TFDP2: variants seen among roughly 807,000 people sequenced by gnomAD.
TFDP2 encodes the protein transcription factor Dp-2.
A neutral mutation model predicts 59.3 loss-of-function variants in TFDP2; 17 were observed. The observed-to-expected ratio is 0.29, with a 90% CI of 0.20 to 0.43. The LOEUF is 0.43. Ranked by LOEUF, TFDP2 falls within the 20% of genes least tolerant of loss-of-function variation. TFDP2 has a pLI of 1.00. For synonymous variants in TFDP2, 180 were observed against 194.7 expected, an observed-to-expected ratio of 0.92 and a Z score of 0.63; for missense variants, 391 against 528.8, an observed-to-expected ratio of 0.74 and a Z score of 2.56.
chr3:142,133,069 G>A (rs1225786589), intron 1 of TFDP2, among the ~76,000 whole-genome samples: 6 of 150,044 alleles, frequency 4.0e-5, no homozygotes, highest in Non-Finnish European at 8.8e-5. Flanking sequence ...TACAAAACGA[G>A]ACTAGACTTA....
chr3:142,077,435 G>A (rs1240543313), intron 3 of TFDP2, among the ~76,000 whole-genome samples: 1 of 152,036 alleles, frequency 6.6e-6, no homozygotes, highest in Non-Finnish European at 1.5e-5. Flanking sequence ...CTTTCTGCTT[G>A]AGGAGTGGAG....
intron 10 of TFDP2, among the ~76,000 whole-genome samples, chr3:141,962,791 A>G (rs1457207845): frequency 6.6e-6 from 1 of 152,250 alleles, no homozygotes; most frequent in Non-Finnish European, 1.5e-5. Context: ...CCCAAGGGCA[A>G]TGTCAGGGCC....
chr3:141,954,756 C>G (rs559070809), intron 11 of TFDP2, among the ~76,000 whole-genome samples: 2 of 152,122 alleles, frequency 1.3e-5, no homozygotes, highest in South Asian at 4.2e-4. Context: ...TCTATAAGCC[C>G]AAACACATAC....
chr3:142,137,894 G>A (rs980049804), intron 1 of TFDP2, among the ~76,000 whole-genome samples: 2 of 152,166 alleles, frequency 1.3e-5, no homozygotes, highest in South Asian at 2.1e-4. Context: ...CTCATAAAAT[G>A]AGTTAGGGAG....
At chr3:142,127,937 A>G (rs2062331570) in intron 1 of TFDP2, among the ~76,000 whole-genome samples, 1 of 152,182 alleles carries the variant, frequency 6.6e-6, no homozygotes, top group Non-Finnish European at 1.5e-5. Context: ...CCAGTGGCTC[A>G]CACTTACAAT....
chr3:142,021,689 C>T (rs1034274194), intron 3 of TFDP2, among the ~76,000 whole-genome samples: 1 of 152,142 alleles, frequency 6.6e-6, no homozygotes, highest in Admixed American at 6.5e-5. Context: ...AGGAGAAAAA[C>T]ATTTTTTCTT....
intron 1 of TFDP2, among the ~76,000 whole-genome samples, chr3:142,129,569 T>C (rs1315474942): frequency 6.6e-6 from 1 of 152,130 alleles, no homozygotes; most frequent in African/African-American, 2.4e-5. Context: ...AAGGGTTTCA[T>C]ATCTAGAATA....
intron 9 of TFDP2, among the ~76,000 whole-genome samples, chr3:141,967,269 A>C (rs984590976): frequency 6.6e-6 from 1 of 151,170 alleles, no homozygotes; most frequent in African/African-American, 2.4e-5. Flanking sequence ...AAAAAAACTG[A>C]AATGCTAGGA....
At chr3:142,148,330 G>C (rs2063246436) in intron 1 of TFDP2, among the ~76,000 whole-genome samples, 1 of 152,140 alleles carries the variant, frequency 6.6e-6, no homozygotes, top group Non-Finnish European at 1.5e-5. Flanking sequence ...ATATGGAAAA[G>C]GAATGAGCCC....
chr3:142,061,906 A>T (rs2059927197), intron 3 of TFDP2, among the ~76,000 whole-genome samples: 1 of 131,050 alleles, frequency 7.6e-6, no homozygotes, highest in Non-Finnish European at 1.5e-5. Flanking sequence ...ACACACACAC[A>T]CACACACACA....
intron 4 of TFDP2, among the ~76,000 whole-genome samples, chr3:141,998,012 G>A (rs1353746232): frequency 6.6e-6 from 1 of 152,002 alleles, no homozygotes; most frequent in Non-Finnish European, 1.5e-5. Context: ...TGTTAGCTGC[G>A]GCTGATCGGA....
chr3:142,038,994 T>C (rs1176808469), intron 3 of TFDP2, among the ~76,000 whole-genome samples: 1 of 152,198 alleles, frequency 6.6e-6, no homozygotes, highest in African/African-American at 2.4e-5. Flanking sequence ...AAATAATTTG[T>C]ACAATTTTAA....
intron 7 of TFDP2, among the ~76,000 whole-genome samples, chr3:141,976,637 A>G (rs1443106399): frequency 1.3e-5 from 2 of 152,328 alleles, no homozygotes; most frequent in East Asian, 3.9e-4. Context: ...TAGCTGGAGC[A>G]TAGTGACATG....
Position 142,149,385 on chromosome 3 carries a change from G to C in TFDP2, c.-295C>G. 1 of 388,378 alleles carries C rather than the reference G, an allele frequency of 2.6e-6. No individual in the cohort carries two copies. The highest frequency in any genetic ancestry group is 4.5e-6 in the Non-Finnish European group (1 of 219,890). The allele number at this position is 388,378 out of a possible 1,614,324, so 24.1% of individuals were successfully genotyped here. A position where few individuals can be genotyped will look rare whatever the true frequency, so the allele number is the denominator to read the frequency against. On this transcript the variant is annotated 5_prime_UTR_variant, in exon 1 of 13. Transcript: ENST00000489671. ...GAACGCCAACCGTGCGCGCGCCCTC[G>C]AGCCTGCCCAAAGATGAAGGGTCAG... is the stretch of plus-strand genomic sequence containing the variant.
intron 3 of TFDP2, among the ~76,000 whole-genome samples, chr3:142,035,888 T>C (rs1946674215): frequency 6.6e-6 from 1 of 152,228 alleles, no homozygotes; most frequent in African/African-American, 2.4e-5. Context: ...ATTAAACCTC[T>C]TTCTTTTGTA....
chr3:142,108,366 C>A (rs1013947181), intron 1 of TFDP2, among the ~76,000 whole-genome samples: 3 of 152,006 alleles, frequency 2.0e-5, no homozygotes, highest in African/African-American at 7.3e-5. Context: ...CCTGCCACCA[C>A]GCATGGCTAA....
intron 3 of TFDP2, among the ~76,000 whole-genome samples, chr3:142,047,804 C>T (rs528034313): frequency 4.0e-5 from 6 of 148,248 alleles, no homozygotes; most frequent in Non-Finnish European, 7.4e-5. Flanking sequence ...GTCAGTGGCG[C>T]GATCTTGGTT....
At chr3:142,100,723 C>A (rs1479877211) in intron 2 of TFDP2, among the ~76,000 whole-genome samples, 2 of 151,134 alleles carry the variant, frequency 1.3e-5, no homozygotes, top group Admixed American at 1.3e-4. Flanking sequence ...GGTCCCCTAA[C>A]ATATAGATGG....
chr3:142,101,802 A>G lies in TFDP2; in HGVS notation c.-53T>C. The G allele has an allele frequency of 8.9e-7, 1 of 1,127,980 alleles. No individual in the cohort carries two copies. The highest frequency in any genetic ancestry group is 2.7e-5 in the East Asian group (1 of 37,398). The allele number at this position is 1,127,980 out of a possible 1,614,324, so 69.9% of individuals were successfully genotyped here. ...GTAAAGCCATTAAAAAAATAAAAAG[A>G]AAAAAACCTTCGTCTTCAATAATTC... On this transcript the variant is annotated 5_prime_UTR_variant, in exon 2 of 13. Transcript: ENST00000489671.
Sources: allele counts gnomAD v4.1 joint callset (sites outside exome capture counted in the v4.1 genomes callset), GRCh38; gene constraint gnomAD v4.1.1; transcripts MANE v1.5; gene names NCBI Gene and HGNC (gene_info 2026-07-23, HGNC 2026-07-21).